The following MRAP2 variants were observed in gnomAD, a reference collection of about 807,000 sequenced individuals.
MRAP2 encodes the protein melanocortin 2 receptor accessory protein 2, also known as melanocortin-2 receptor accessory protein 2.
Under a neutral mutation model 17.4 loss-of-function variants are expected in MRAP2, and 20 were observed. The ratio of observed to expected loss-of-function variants is 1.15; its 90% CI spans 0.81 to 1.67. MRAP2 has a LOEUF of 1.67. Ranked by LOEUF, MRAP2 falls within the 40% of genes most tolerant of loss-of-function variation. The pLI, the probability that MRAP2 is intolerant of heterozygous loss-of-function variation, is 0.00. For synonymous variants in MRAP2, 96 were observed against 88.4 expected (o/e 1.09, Z -0.48); for missense variants, 238 against 240.0 (o/e 0.99, Z 0.05).
intron 3 of MRAP2, among the ~76,000 whole-genome samples, chr6:84,083,733 C>T (rs2099499584): frequency 6.6e-6 from 1 of 152,092 alleles, no homozygotes. Flanking sequence ...ATTTTTGTTA[C>T]AGTACTCAAT....
the MRAP2 span, among the ~76,000 whole-genome samples, chr6:84,122,742 A>G: frequency 6.6e-6 from 1 of 152,188 alleles, no homozygotes; most frequent in African/African-American, 2.4e-5. Flanking sequence ...AAATCAGACA[A>G]GAGAAAGAGG....
chr6:84,052,794 A>C, intron 1 of MRAP2: 1 of 985,006 alleles, frequency 1.0e-6, no homozygotes, highest in Non-Finnish European at 1.2e-6. Flanking sequence ...TGGCTCTGGT[A>C]TTCACTCATT....
At chr6:84,085,458 T>C (rs1397788081) in intron 3 of MRAP2, among the ~76,000 whole-genome samples, 2 of 152,206 alleles carry the variant, frequency 1.3e-5, no homozygotes, top group Non-Finnish European at 2.9e-5. Context: ...CTTTAAATCT[T>C]GTCAGGAAAA....
At chr6:84,084,499 A>G (rs2099499779) in intron 3 of MRAP2, among the ~76,000 whole-genome samples, 1 of 152,234 alleles carries the variant, frequency 6.6e-6, no homozygotes, top group Admixed American at 6.5e-5. Context: ...ACCTAGATTT[A>G]CATTTCCAAA....
chr6:84,086,128 A>T (rs901108761), intron 3 of MRAP2, among the ~76,000 whole-genome samples: 2 of 152,216 alleles, frequency 1.3e-5, no homozygotes, highest in African/African-American at 4.8e-5. Context: ...AAAGAAAATG[A>T]TGTTTACATG....
chr6:84,038,631 A>G (rs1010040145), intron 1 of MRAP2, among the ~76,000 whole-genome samples: 8 of 152,082 alleles, frequency 5.3e-5, no homozygotes, highest in Admixed American at 3.3e-4. Flanking sequence ...AGCTGGGACT[A>G]CAGGCACAGA....
chr6:84,138,958 A>G, the MRAP2 span, among the ~76,000 whole-genome samples: 1 of 152,250 alleles, frequency 6.6e-6, no homozygotes, highest in African/African-American at 2.4e-5. Flanking sequence ...GTGTTTTTAC[A>G]TTGATCTTTT....
At chr6:84,073,749 A>G (rs1384114838) in intron 3 of MRAP2, among the ~76,000 whole-genome samples, 1 of 152,208 alleles carries the variant, frequency 6.6e-6, no homozygotes, top group Non-Finnish European at 1.5e-5. Context: ...TTATATATAA[A>G]TAAAGAAGTG....
downstream of MRAP2, among the ~76,000 whole-genome samples, chr6:84,093,268 T>TAG (rs35368724): frequency 0.018 from 2,725 of 150,390 alleles, 95 homozygotes; most frequent in African/African-American, 0.063. Flanking sequence ...GCAAGAAAAA[T>TAG]AGAGAGAGAG....
At chr6:84,074,113 G>A (rs1472705906) in intron 3 of MRAP2, among the ~76,000 whole-genome samples, 2 of 152,118 alleles carry the variant, frequency 1.3e-5, no homozygotes, top group Non-Finnish European at 2.9e-5. Flanking sequence ...TAGGTAAAGA[G>A]TAGGAGGGAG....
chr6:84,133,805 G>A, the MRAP2 span, among the ~76,000 whole-genome samples: 1 of 152,166 alleles, frequency 6.6e-6, no homozygotes, highest in African/African-American at 2.4e-5. Context: ...CAGACCCCTT[G>A]CGCTTCCTGG....
the MRAP2 span, among the ~76,000 whole-genome samples, chr6:84,125,739 G>C: frequency 6.6e-6 from 1 of 152,102 alleles, no homozygotes; most frequent in African/African-American, 2.4e-5. Context: ...GCTGGAAAGA[G>C]AGCCCTCACC....
At chr6:84,108,938 C>T in the MRAP2 span, among the ~76,000 whole-genome samples, 16 of 152,136 alleles carry the variant, frequency 1.1e-4, no homozygotes, top group African/African-American at 3.6e-4. Flanking sequence ...GGAATCCTTT[C>T]CCCCTGGCTT....
downstream of MRAP2, among the ~76,000 whole-genome samples, chr6:84,095,014 C>T (rs888085499): frequency 4.6e-5 from 7 of 152,166 alleles, no homozygotes; most frequent in Admixed American, 2.6e-4. Context: ...GCCAACTCCA[C>T]ATTTTTAGTT....
the MRAP2 span, among the ~76,000 whole-genome samples, chr6:84,096,258 G>A: frequency 1.3e-5 from 2 of 152,208 alleles, no homozygotes; most frequent in African/African-American, 4.8e-5. Flanking sequence ...GAGGGACCAT[G>A]TGGTTATGGA....
chr6:84,109,678 TGC>T, the MRAP2 span, among the ~76,000 whole-genome samples: 1 of 152,136 alleles, frequency 6.6e-6, no homozygotes, highest in Non-Finnish European at 1.5e-5. Context: ...GGTATACACG[TGC>T]CATAATTGTT....
intron 1 of MRAP2, among the ~76,000 whole-genome samples, chr6:84,048,158 T>G (rs899009075): frequency 1.3e-5 from 2 of 152,178 alleles, no homozygotes; most frequent in African/African-American, 2.4e-5. Context: ...CTATATCATA[T>G]GGTTATTCCA....
At chr6:84,086,721 G>A (rs2099500556) in intron 3 of MRAP2, among the ~76,000 whole-genome samples, 1 of 152,176 alleles carries the variant, frequency 6.6e-6, no homozygotes, top group Admixed American at 6.5e-5. Context: ...GGAGCACAGG[G>A]TAGCCTCAGG....
At chr6:84,047,853 C>T (rs2099489436) in intron 1 of MRAP2, among the ~76,000 whole-genome samples, 1 of 152,210 alleles carries the variant, frequency 6.6e-6, no homozygotes, top group East Asian at 1.9e-4. Context: ...TAGGTACCCT[C>T]ATATATGTAG....
Sources: gnomAD v4.1 joint callset for allele counts (sites outside exome capture counted in the v4.1 genomes callset) on GRCh38, gnomAD v4.1.1 for gene constraint, MANE v1.5 for transcripts, NCBI Gene and HGNC (gene_info 2026-07-23, HGNC 2026-07-21) for gene names.